Variants in DBH observed in about 807,000 individuals in gnomAD.
DBH encodes dopamine beta-hydroxylase.
A neutral mutation model predicts 64.0 loss-of-function variants in DBH; 49 were observed. That is an observed-to-expected ratio of 0.77 (90% CI 0.61 to 0.97). The LOEUF (loss-of-function observed/expected upper bound fraction) is 0.97, where lower values mean the gene tolerates loss of function less well. Ranked by LOEUF, DBH falls within the 50% of genes least tolerant of loss-of-function variation. DBH has a pLI of 0.00. For missense variants in DBH, 828 were observed against 826.6 expected, an observed-to-expected ratio of 1.00 and a Z score of -0.02; for synonymous variants, 343 against 347.1, an observed-to-expected ratio of 0.99 and a Z score of 0.13.
At position 133,647,930 on chromosome 9, in the gene DBH, T is replaced by G; in HGVS notation, c.1109T>G (p.Val370Gly). 1.2e-6 allele frequency: 2 copies of G among 1,614,080 alleles called. No homozygotes were observed. The highest frequency in any genetic ancestry group is 1.7e-6 in the Non-Finnish European group (2 of 1,179,978). Residue 370 changes from valine (V) to glycine (G), a missense_variant, in exon 6 of 12, where the codon GTG becomes GGG. Val to Gly is a moderately radical substitution (Grantham distance 109). Coordinates refer to ENST00000393056, the MANE Select transcript of DBH (RefSeq NM_000787.4). ...FNAGIMELGL[V>G]YTPVMAIPPR... ...GCGGGGATCATGGAGCTGGGACTGG[T>G]GTACACGCCAGTGATGGCCATTCCA...
chr9:133,646,887 G>A (rs901411276), intron 5 of DBH, among the ~76,000 whole-genome samples: 1 of 152,182 alleles, frequency 6.6e-6, no homozygotes, highest in East Asian at 1.9e-4. Context: ...GAGCTTCAGG[G>A]ACTCTCCAAT....
intron 11 of DBH, among the ~76,000 whole-genome samples, chr9:133,657,503 AGAGAGAGAGAGAGAGG>A (rs1341435576): frequency 6.8e-6 from 1 of 146,896 alleles, no homozygotes; most frequent in Non-Finnish European, 1.5e-5. Context: ...GAGAGGAGAG[AGAGAGAGAGAGAGAGG>A]GAGAGAGAGA....
intron 9 of DBH, 114 bp downstream of exon 9, chr9:133,653,113 A>G: frequency 1.2e-6 from 1 of 831,816 alleles, no homozygotes; most frequent in Middle Eastern, 2.2e-4. Flanking sequence ...TCGTCCCCTC[A>G]ATAAGCCAGT....
At chr9:133,649,035 T>C (rs1477989177) in intron 6 of DBH, among the ~76,000 whole-genome samples, 2 of 152,132 alleles carry the variant, frequency 1.3e-5, no homozygotes, top group African/African-American at 2.4e-5. Flanking sequence ...GGGTGCCCGG[T>C]TTTACTGACC....
chr9:133,642,199 G>T lies in DBH; in HGVS notation c.487-8G>T, dbSNP rs753380045. 6.2e-7 allele frequency: 1 copy of T among 1,612,772 alleles called. No homozygotes were observed. Among genetic ancestry groups the T allele is most frequent in the South Asian group, 1.1e-5 (1 of 91,052 alleles). ...AGGGCGACCAGCTGAACCCTGTCTC[G>T]GCTGCAGGACGGCACTGTCCACTTG... is the stretch of plus-strand genomic sequence containing the variant. On this transcript the variant is annotated splice_polypyrimidine_tract_variant and splice_region_variant and intron_variant, in intron 2 of 11. Coordinates refer to ENST00000393056, the MANE Select transcript of DBH (RefSeq NM_000787.4).
intron 6 of DBH, among the ~76,000 whole-genome samples, chr9:133,650,386 C>T (rs1832231245): frequency 6.6e-6 from 1 of 152,164 alleles, no homozygotes; most frequent in Non-Finnish European, 1.5e-5. Context: ...GGACAACTGA[C>T]TCACAAAGAA....
chr9:133,646,483 C>T (rs1832183088), intron 5 of DBH, among the ~76,000 whole-genome samples: 1 of 152,146 alleles, frequency 6.6e-6, no homozygotes, highest in Non-Finnish European at 1.5e-5. Flanking sequence ...CTGGATGACA[C>T]CTGGTTGTGA....
intron 1 of DBH, 124 bp downstream of exon 1, chr9:133,636,834 G>A: frequency 2.1e-6 from 2 of 947,870 alleles, no homozygotes; most frequent in South Asian, 1.4e-5. Flanking sequence ...TGTTTGAGTT[G>A]ACTCTGCTCT....
At position 133,643,360 on chromosome 9, in the gene DBH, G is replaced by A. The variant is rs1021880798; in HGVS notation, c.745-53G>A. ...GAAGCCCATGGAGGAGGGCTGCTGG[G>A]GAGGGGAGGGTGGGCGGCCGGTTCC... On this transcript the variant is annotated intron_variant, in intron 3 of 11. Coordinates refer to ENST00000393056, the MANE Select transcript of DBH (RefSeq NM_000787.4). The surrounding 1 kb of genome is among the most constrained non-coding windows in gnomAD (Gnocchi z 5.3). 4 of 1,596,686 alleles carry A rather than the reference G, an allele frequency of 2.5e-6. No individual in the cohort carries two copies. The African/African-American group carries it at 4.0e-5, about 16-fold the overall frequency.
Position 133,636,645 on chromosome 9 carries a change from C to A in DBH, c.274C>A (p.Arg92Ser), listed in dbSNP as rs141137998. 1 of 1,612,524 alleles carries A rather than the reference C, an allele frequency of 6.2e-7. No homozygotes were observed. The highest frequency in any genetic ancestry group is 8.5e-7 in the Non-Finnish European group (1 of 1,179,996). Residue 92 changes from arginine (R) to serine (S), a missense_variant, in exon 1 of 12, where the codon CGT (arginine) becomes AGT (serine). Physicochemically the swap from Arg to Ser is moderately radical, Grantham distance 110 (BLOSUM62 -1). Transcript: ENST00000393056. ...KAGVLFGMSD[R>S]GELENADLVV... ...TGGCGTCCTGTTTGGGATGTCCGAC[C>A]GTGGCGAGCTTGAGAACGCAGATCT...
In DBH at chr9:133,647,934, C is replaced by A; in HGVS notation, c.1113C>A (p.Tyr371Ter). Residue 371 changes from tyrosine to a stop codon, truncating the protein, a stop_gained, in exon 6 of 12, where the codon TAC becomes TAA. Coordinates refer to ENST00000393056, the MANE Select transcript of DBH (RefSeq NM_000787.4). LOFTEE classifies it high-confidence loss of function. ...GGATCATGGAGCTGGGACTGGTGTA[C>A]ACGCCAGTGATGGCCATTCCACCAC... Reference protein sequence around the residue: ...NAGIMELGLVYTPVMAIPPRE... With the variant: ...NAGIMELGLV 6.2e-7 allele frequency: 1 copy of A among 1,614,082 alleles called. No individual in the cohort carries two copies. The highest frequency in any genetic ancestry group is 1.1e-5 in the South Asian group (1 of 91,082).
chr9:133,640,785 C>A (rs965777714), intron 2 of DBH, among the ~76,000 whole-genome samples: 1 of 152,330 alleles, frequency 6.6e-6, no homozygotes, highest in South Asian at 2.1e-4. Flanking sequence ...GCACCTGTGC[C>A]GTGCAGGGCC....
At chr9:133,646,325 GCCATGTCCGCCATGTCCA>G (rs912692556) in intron 5 of DBH, among the ~76,000 whole-genome samples, 8 of 32,482 alleles carry the variant, frequency 2.5e-4, no homozygotes, top group African/African-American at 8.5e-4. Flanking sequence ...AGACCACCCC[GCCATGTCCGCCATGTCCA>G]CCATGTCCAC....
Position 133,658,604 on chromosome 9 carries a change from C to A in DBH, c.*157C>A. ...GCCTGAGACCACGGTCCAATCCAGCCTTCTTCCCCCAGGGTCCCCTGCATG... is the reference window on the plus strand; with the variant it reads ...GCCTGAGACCACGGTCCAATCCAGCATTCTTCCCCCAGGGTCCCCTGCATG... On this transcript the variant is annotated 3_prime_UTR_variant, in exon 12 of 12. Coordinates refer to ENST00000393056, the MANE Select transcript of DBH (RefSeq NM_000787.4). 2.3e-6 allele frequency: 2 copies of A among 871,994 alleles called. No homozygotes were observed. Among genetic ancestry groups the A allele is most frequent in the Non-Finnish European group, 3.3e-6 (2 of 597,790 alleles). The allele number at this position is 871,994 out of a possible 1,614,324, so 54.0% of individuals were successfully genotyped here.
chr9:133,643,357 T>A lies in DBH; in HGVS notation c.745-56T>A. 7.1e-7 allele frequency: 1 copy of A among 1,399,446 alleles called. No homozygotes were observed. Among genetic ancestry groups the A allele is most frequent in the South Asian group, 1.2e-5 (1 of 86,198 alleles). 86.7% of individuals were successfully genotyped at this position (1,399,446 alleles called of 1,614,324 possible). On this transcript the variant is annotated intron_variant, in intron 3 of 11. Transcript: ENST00000393056. This position sits in a 1 kb window ranked among gnomAD's most constrained non-coding sequence, Gnocchi z 5.3. ...TCGGAAGCCCATGGAGGAGGGCTGC[T>A]GGGGAGGGGAGGGTGGGCGGCCGGT...
intron 9 of DBH, 63 bp downstream of exon 9, chr9:133,653,062 G>A: frequency 7.6e-7 from 1 of 1,322,056 alleles, no homozygotes; most frequent in Non-Finnish European, 1.1e-6. Flanking sequence ...AGCCATCTGA[G>A]GAAGGATGAC....
intron 2 of DBH, 105 bp from the exon 3 acceptor site, chr9:133,642,102 T>C (rs1588347557): frequency 1.4e-6 from 2 of 1,451,574 alleles, no homozygotes; most frequent in Admixed American, 1.7e-5. Context: ...GAGAGTGAGG[T>C]GTGTCACCTG....
In DBH at chr9:133,658,592, G is replaced by C. The variant is rs1269040642; in HGVS notation, c.*145G>C. ...GACCACGCCCCTGCCTGAGACCACG[G>C]TCCAATCCAGCCTTCTTCCCCCAGG... On this transcript the variant is annotated 3_prime_UTR_variant, in exon 12 of 12. Coordinates refer to ENST00000393056, the MANE Select transcript of DBH (RefSeq NM_000787.4). The C allele has an allele frequency of 1.0e-6, 1 of 958,612 alleles. No individual in the cohort carries two copies. Among genetic ancestry groups the C allele is most frequent in the African/African-American group, 1.7e-5 (1 of 60,276 alleles). The allele number at this position is 958,612 out of a possible 1,614,324, so 59.4% of individuals were successfully genotyped here.
Position 133,647,904 on chromosome 9 carries a change from C to A in DBH, c.1083C>A (p.Asn361Lys), listed in dbSNP as rs201759717. The change falls in exon 6 of 12, where the codon AAC (asparagine) becomes AAA (lysine). Residue 361 changes from asparagine to lysine, a missense_variant. Asn to Lys is a moderately conservative substitution (Grantham distance 94). Transcript: ENST00000393056. ...ACACAGCCAAGCTGCGGCGCTTCAA[C>A]GCGGGGATCATGGAGCTGGGACTGG... ...LYYTAKLRRFNAGIMELGLVY... is the reference protein window; with the variant it reads ...LYYTAKLRRFKAGIMELGLVY... 6.2e-7 allele frequency: 1 copy of A among 1,614,228 alleles called. No individual in the cohort carries two copies. The highest frequency in any genetic ancestry group is 2.2e-5 in the East Asian group (1 of 44,884).
Sources: gnomAD v4.1 joint callset for allele counts (sites outside exome capture counted in the v4.1 genomes callset) on GRCh38, gnomAD v4.1.1 for gene constraint, Gnocchi (gnomAD v3.1) non-coding constraint, MANE v1.5 for transcripts, NCBI Gene and HGNC (gene_info 2026-07-23, HGNC 2026-07-21) for gene names.